Variants in TSPOAP1 observed in about 807,000 individuals in gnomAD.
TSPOAP1 encodes the protein peripheral-type benzodiazepine receptor-associated protein 1.
In TSPOAP1, 87 loss-of-function variants were observed where a neutral mutation model predicts 197.0. The observed-to-expected ratio is 0.44, with a 90% CI of 0.37 to 0.53. The LOEUF (loss-of-function observed/expected upper bound fraction) is 0.53. Ranked by LOEUF, TSPOAP1 falls within the 20% of genes least tolerant of loss-of-function variation. The pLI is 0.00. For missense variants in TSPOAP1, 2,174 were observed against 2,411.3 expected, an observed-to-expected ratio of 0.90 and a Z score of 2.06; for synonymous variants, 913 against 998.9, an observed-to-expected ratio of 0.91 and a Z score of 1.62.
Position 58,322,777 on chromosome 17 carries a change from C to T in TSPOAP1, c.1195-1G>A. The T allele has an allele frequency of 6.2e-7, 1 of 1,612,746 alleles. No homozygotes were observed. ...TCAGCTCCGCATTCTCCCACTCCAC[C>T]TGGCGAGGGGGCAGTGACAGGGAGT... On this transcript the variant is annotated splice_acceptor_variant, in intron 8 of 31. Coordinates refer to ENST00000343736, the MANE Select transcript of TSPOAP1 (RefSeq NM_004758.4). LOFTEE classifies it high-confidence loss of function. This position sits in a 1 kb window ranked among gnomAD's most constrained non-coding sequence, Gnocchi z 5.0.
intron 6 of TSPOAP1, 36 bp downstream of exon 6, chr17:58,323,432 C>G (rs1047365063): frequency 3.8e-5 from 62 of 1,614,136 alleles, no homozygotes; most frequent in Non-Finnish European, 5.0e-5. Flanking sequence ...CATCTGCCCA[C>G]AGCAGGCTGC....
rs1442744065 is a variant in TSPOAP1, at chr17:58,308,664, G to A, written c.4608C>T (p.Pro1536=). ...CTGAATTGGCCTTCGGAGGCCCCCT[G>A]GGCCTTCCTACAGTTGCTGTGCCCC... The part of the protein sequence containing the change: ...EAWGTATVGR[P]RGPPKANSGP... The change falls in exon 22 of 32, where the codon CCC becomes CCT. Residue 1536 remains proline, a synonymous_variant. Transcript: ENST00000343736. 1.2e-6 allele frequency: 2 copies of A among 1,612,064 alleles called. No homozygotes were observed. Among genetic ancestry groups the A allele is most frequent in the African/African-American group, 2.7e-5 (2 of 74,934 alleles).
chr17:58,311,207 C>T lies in TSPOAP1; in HGVS notation c.3088G>A (p.Glu1030Lys). Residue 1030 changes from glutamate to lysine, a missense_variant, in exon 19 of 32, where the codon GAG (glutamate) becomes AAG (lysine). By Grantham distance (56) the Glu-to-Lys change is moderately conservative. This residue lies in a region of TSPOAP1 where 1,933 missense variants were observed against 2,139.0 expected (regional missense o/e 0.90). Coordinates refer to ENST00000343736, the MANE Select transcript of TSPOAP1 (RefSeq NM_004758.4). ...CTGCCTGCCGTGGGTGAGGCCACCTCCATGATCTGCAGGGTGGAGGGGGCA... is the reference window on the plus strand; with the variant it reads ...CTGCCTGCCGTGGGTGAGGCCACCTTCATGATCTGCAGGGTGGAGGGGGCA... ...AIYADGQKIM[E>K]VASPTAGSVL... is the part of the protein sequence containing the mutation. The T allele has an allele frequency of 6.2e-7, 1 of 1,611,476 alleles. No individual in the cohort carries two copies. Among genetic ancestry groups the T allele is most frequent in the South Asian group, 1.1e-5 (1 of 90,772 alleles).
Position 58,309,089 on chromosome 17 carries a change from C to T in TSPOAP1, c.4183G>A (p.Asp1395Asn). ...ESSRAGDCLE[D>N]MPGLVGGSSR... ...CTTCCACCAACTAATCCAGGCATGT[C>T]TTCCAGGCAGTCTCCAGCCCTGGAG... Residue 1395 changes from aspartate to asparagine, a missense_variant, in exon 22 of 32, where the codon GAC (aspartate) becomes AAC (asparagine). This residue lies in a region of TSPOAP1 where 1,933 missense variants were observed against 2,139.0 expected (regional missense o/e 0.90). Transcript: ENST00000343736. The surrounding 1 kb of genome is among the most constrained non-coding windows in gnomAD (Gnocchi z 5.0). 1 of 1,613,502 alleles carries T rather than the reference C, an allele frequency of 6.2e-7. No homozygotes were observed. The highest frequency in any genetic ancestry group is 8.5e-7 in the Non-Finnish European group (1 of 1,180,032).
intron 25 of TSPOAP1, 87 bp from the exon 26 acceptor site, chr17:58,306,500 T>G: frequency 7.9e-7 from 1 of 1,264,918 alleles, no homozygotes; most frequent in Non-Finnish European, 1.1e-6. Context: ...AGGGCCGTGC[T>G]AGGTTACTGA....
intron 16 of TSPOAP1, among the ~76,000 whole-genome samples, chr17:58,313,003 C>T (rs1010946913): frequency 1.3e-5 from 2 of 152,174 alleles, no homozygotes; most frequent in Admixed American, 6.5e-5. Context: ...GATTCTAACT[C>T]GGTTGGGTCT....
rs774082627 is a variant in TSPOAP1, at chr17:58,326,431, G to C, written c.442-10C>G. ...GGAAGCTGCTCTTCCTCTGACAAGG[G>C]GTCAGGCAGAATTGGGGCATGTAGG... On this transcript the variant is annotated splice_polypyrimidine_tract_variant and intron_variant, in intron 2 of 31. Coordinates refer to ENST00000343736, the MANE Select transcript of TSPOAP1 (RefSeq NM_004758.4). This position sits in a 1 kb window ranked among gnomAD's most constrained non-coding sequence, Gnocchi z 4.7. 6.2e-7 allele frequency: 1 copy of C among 1,613,148 alleles called. No individual in the cohort carries two copies. The highest frequency in any genetic ancestry group is 1.3e-5 in the African/African-American group (1 of 75,026).
chr17:58,302,069 G>C lies in TSPOAP1; in HGVS notation c.*411C>G, dbSNP rs1229853333. ...TCAGTTTCCCCTCCTGTAGGAGGAA[G>C]GTGCTTCTCTAGAGAGTTCATCCTT... On this transcript the variant is annotated 3_prime_UTR_variant, in exon 32 of 32. Coordinates refer to ENST00000343736, the MANE Select transcript of TSPOAP1 (RefSeq NM_004758.4). 2.6e-6 allele frequency: 1 copy of C among 377,604 alleles called. No homozygotes were observed. The highest frequency in any genetic ancestry group is 9.2e-5 in the East Asian group (1 of 10,886). The allele number at this position is 377,604 out of a possible 1,614,324, so 23.4% of individuals were successfully genotyped here.
At chr17:58,313,867 G>C (rs1427488999) in intron 16 of TSPOAP1, among the ~76,000 whole-genome samples, 1 of 152,188 alleles carries the variant, frequency 6.6e-6, no homozygotes, top group East Asian at 1.9e-4. Flanking sequence ...AGTCAATCCA[G>C]GCAACCACCA....
chr17:58,316,486 G>A lies in TSPOAP1; in HGVS notation c.1927C>T (p.Pro643Ser), dbSNP rs753292169. 1.9e-6 allele frequency: 3 copies of A among 1,613,700 alleles called. No individual in the cohort carries two copies. The highest frequency in any genetic ancestry group is 4.5e-5 in the East Asian group (2 of 44,872). The change falls in exon 15 of 32, where the codon CCA becomes TCA. Residue 643 changes from proline to serine, a missense_variant. Physicochemically the swap from Pro to Ser is moderately conservative, Grantham distance 74 (BLOSUM62 -1). Transcript: ENST00000343736. ...CCCCGGCTGCCCTCTGGCGCAGCTGGGAGCAGGGAGACACTGTCTGCCTCC... is the reference window on the plus strand; with the variant it reads ...CCCCGGCTGCCCTCTGGCGCAGCTGAGAGCAGGGAGACACTGTCTGCCTCC... The part of the protein sequence containing the change: ...ELEADSVSLL[P>S]AAPEGSRGGA...
chr17:58,305,182 G>A lies in TSPOAP1; in HGVS notation c.5434-11C>T, dbSNP rs1260142307. On this transcript the variant is annotated splice_polypyrimidine_tract_variant and intron_variant, in intron 29 of 31. Coordinates refer to ENST00000343736, the MANE Select transcript of TSPOAP1 (RefSeq NM_004758.4). ...TCCATTTAATTCCCCCTGGAGAGAA[G>A]AGGCCGGTGAGACTGAGATCAGGAA... is the stretch of plus-strand genomic sequence containing the variant. 1.3e-6 allele frequency: 2 copies of A among 1,593,490 alleles called. No homozygotes were observed. The highest frequency in any genetic ancestry group is 1.1e-5 in the South Asian group (1 of 90,722).
At chr17:58,327,335 C>A (rs926642600) in intron 1 of TSPOAP1, among the ~76,000 whole-genome samples, 3 of 152,320 alleles carry the variant, frequency 2.0e-5, no homozygotes, top group African/African-American at 7.2e-5. Flanking sequence ...AGGGACGGGG[C>A]AGCAGCAGGG....
At chr17:58,306,644 C>T in intron 25 of TSPOAP1, 156 bp downstream of exon 25, 1 of 1,031,336 alleles carries the variant, frequency 9.7e-7, no homozygotes, top group Non-Finnish European at 1.4e-6. Context: ...AGCCCACGTA[C>T]AGTCTGACCA....
At chr17:58,307,117 A>C in intron 24 of TSPOAP1, 149 bp from the exon 25 acceptor site, 1 of 852,224 alleles carries the variant, frequency 1.2e-6, no homozygotes, top group Non-Finnish European at 1.8e-6. Flanking sequence ...ACAGCAAAGA[A>C]CAGGATCAGA....
chr17:58,318,970 G>T (rs967017026), intron 13 of TSPOAP1, 120 bp downstream of exon 13: 117 of 1,177,572 alleles, frequency 9.9e-5, no homozygotes, highest in Admixed American at 2.9e-5. Context: ...GCCAGGCACA[G>T]CTCTAACCTG....
In TSPOAP1 at chr17:58,310,853, G is replaced by T. The variant is rs761171825; in HGVS notation, c.3442C>A (p.Pro1148Thr). The change falls in exon 19 of 32, where the codon CCA becomes ACA. Residue 1148 changes from proline to threonine, a missense_variant. Transcript: ENST00000343736. ...EMAKGSHEDP[P>T]APCSQEEAGA... ...CAGGGTACCTGGGAGCAAGGTGCTG[G>T]AGGGTCCTCGTGGGACCCTTTTGCC... The T allele has an allele frequency of 7.1e-6, 11 of 1,548,252 alleles. No individual in the cohort carries two copies. Among genetic ancestry groups the T allele is most frequent in the African/African-American group, 1.4e-5 (1 of 72,760 alleles).
rs1598054321 is a variant in TSPOAP1, at chr17:58,305,119, G to A, written c.5486C>T (p.Pro1829Leu). The A allele has an allele frequency of 6.2e-7, 1 of 1,614,020 alleles. No individual in the cohort carries two copies. The highest frequency in any genetic ancestry group is 8.5e-7 in the Non-Finnish European group (1 of 1,179,958). The change falls in exon 30 of 32, where the codon CCT (proline) becomes CTT (leucine). Residue 1829 changes from proline (P) to leucine (L), a missense_variant. By Grantham distance (98) the Pro-to-Leu change is moderately conservative. Around this residue, in one of 5 missense-constraint regions of TSPOAP1, gnomAD observed 60 missense variants for 56.2 expected, o/e 1.07. Transcript: ENST00000343736. ...GTCCAGGCCGCCTGCCTCAGGCCCA[G>A]GGCCCTCCAGGAAGTTGGATGGAAC... ...GLVPSNFLEG[P>L]GPEAGGLDRE...
At chr17:58,319,037 C>G in intron 13 of TSPOAP1, 53 bp downstream of exon 13, 1 of 1,446,512 alleles carries the variant, frequency 6.9e-7, no homozygotes, top group South Asian at 1.5e-5. Context: ...CCTGCTCTAT[C>G]CAAAAGCCCA....
chr17:58,315,224 CA>C (rs1243929385), intron 16 of TSPOAP1, among the ~76,000 whole-genome samples: 2 of 152,300 alleles, frequency 1.3e-5, no homozygotes, highest in African/African-American at 4.8e-5. Context: ...GCAGAGGACC[CA>C]GGGAAAAGAA....
Sources: allele counts gnomAD v4.1 joint callset (sites outside exome capture counted in the v4.1 genomes callset), GRCh38; gene constraint gnomAD v4.1.1; regional missense constraint gnomAD v4.1.1; non-coding constraint Gnocchi (gnomAD v3.1); transcripts MANE v1.5; gene names NCBI Gene and HGNC (gene_info 2026-07-23, HGNC 2026-07-21).